Variants in DOP1B observed in about 807,000 individuals in gnomAD.
DOP1B encodes protein DOP1B.
A neutral mutation model predicts 233.5 loss-of-function variants in DOP1B; 174 were observed. That is an observed-to-expected ratio of 0.75 (90% CI 0.66 to 0.85). The LOEUF (loss-of-function observed/expected upper bound fraction) is 0.85. DOP1B is among the 40% of genes least tolerant of loss of function. DOP1B has a pLI of 0.00. For missense variants in DOP1B, 2,652 were observed against 2,846.6 expected (o/e 0.93, Z 1.56); for synonymous variants, 1,190 against 1,185.6 (o/e 1.00, Z -0.08).
At chr21:36,219,748 A>AT (rs2066603986) in intron 10 of DOP1B, among the ~76,000 whole-genome samples, 1 of 151,838 alleles carries the variant, frequency 6.6e-6, no homozygotes, top group African/African-American at 2.4e-5. Context: ...GTATTTATTG[A>AT]TTTTTTGATC....
At chr21:36,287,443 G>T (rs2067497850) in intron 32 of DOP1B, among the ~76,000 whole-genome samples, 1 of 152,088 alleles carries the variant, frequency 6.6e-6, no homozygotes, top group Non-Finnish European at 1.5e-5. Flanking sequence ...AGATGTTCAT[G>T]TCTTTCTACT....
intron 4 of DOP1B, among the ~76,000 whole-genome samples, chr21:36,202,607 C>T (rs1180112615): frequency 6.6e-6 from 1 of 152,208 alleles, no homozygotes; most frequent in Non-Finnish European, 1.5e-5. Flanking sequence ...GGGTGCATTT[C>T]GTGAGCTCTA....
Position 36,237,436 on chromosome 21 carries a change from C to A in DOP1B, c.2775+22C>A, listed in dbSNP as rs759769579. 6 of 1,612,832 alleles carry A rather than the reference C, an allele frequency of 3.7e-6. No homozygotes were observed. In the Admixed American group the frequency reaches 5.0e-5, roughly 13 times the overall value. On this transcript the variant is annotated intron_variant, in intron 16 of 36. Coordinates refer to ENST00000691173, the MANE Select transcript of DOP1B (RefSeq NM_001320714.2). The stretch of plus-strand genomic sequence containing the variant: ...CAAGGTGAGCCTTTCTGGCCGCCAC[C>A]TCCATCCTGCAGCACCCCGGCCCCT...
At chr21:36,272,304 G>C (rs1366242909) in intron 27 of DOP1B, among the ~76,000 whole-genome samples, 1 of 151,684 alleles carries the variant, frequency 6.6e-6, no homozygotes, top group Admixed American at 6.6e-5. Context: ...CCTGGTTAGC[G>C]GGCATGGTGG....
chr21:36,275,984 G>A (rs373048083), intron 27 of DOP1B, among the ~76,000 whole-genome samples: 1 of 152,266 alleles, frequency 6.6e-6, no homozygotes, highest in South Asian at 2.1e-4. Flanking sequence ...TGCCAGAGGG[G>A]TGGTCAGAGG....
intron 3 of DOP1B, 140 bp from the exon 4 acceptor site, chr21:36,200,191 A>G (rs889035981): frequency 9.0e-7 from 1 of 1,114,540 alleles, no homozygotes; most frequent in Non-Finnish European, 1.2e-6. Flanking sequence ...TGACCATCTC[A>G]TGTCATACCC....
At chr21:36,207,698 C>G (rs1187005041) in intron 4 of DOP1B, among the ~76,000 whole-genome samples, 1 of 152,134 alleles carries the variant, frequency 6.6e-6, no homozygotes, top group African/African-American at 2.4e-5. Flanking sequence ...TGTGAACCAA[C>G]ACATTCCACC....
At chr21:36,234,423 C>T (rs1294942273) in intron 15 of DOP1B, among the ~76,000 whole-genome samples, 1 of 152,194 alleles carries the variant, frequency 6.6e-6, no homozygotes, top group Admixed American at 6.5e-5. Flanking sequence ...GCATTAAATA[C>T]ATTCCTTTTA....
intron 2 of DOP1B, among the ~76,000 whole-genome samples, chr21:36,174,640 GACT>G (rs1189084929): frequency 3.9e-5 from 6 of 152,180 alleles, no homozygotes; most frequent in African/African-American, 1.4e-4. Flanking sequence ...AAGTAGCTGA[GACT>G]ACAGGCATGT....
intron 32 of DOP1B, among the ~76,000 whole-genome samples, chr21:36,287,579 C>CTTTTTTTTTTT (rs869203517): frequency 4.1e-5 from 3 of 73,124 alleles, no homozygotes; most frequent in East Asian, 4.7e-4. Context: ...TCCTAACATT[C>CTTTTTTTTTTT]TTTTTTTTTT....
In DOP1B at chr21:36,180,317, C is replaced by G. The variant is rs538097701; in HGVS notation, c.138+15446C>G. Among the ~76,000 whole-genome samples, 101 of 152,278 alleles carry G rather than the reference C, an allele frequency of 6.6e-4. 1 individual carries two copies. The South Asian group carries it at 6.6e-3, about 10-fold the overall frequency. On this transcript the variant is annotated intron_variant, in intron 2 of 36. Coordinates refer to ENST00000691173, the MANE Select transcript of DOP1B (RefSeq NM_001320714.2). ...GCCGCGGTGGCTCATGCCTGTAATC[C>G]CAGGGCTTTGGGAGGCTGAGGCAGG...
At chr21:36,200,582 G>A (rs1021000794) in intron 4 of DOP1B, 81 bp downstream of exon 4, 15 of 1,479,764 alleles carry the variant, frequency 1.0e-5, no homozygotes, top group Non-Finnish European at 1.3e-5. Flanking sequence ...AGTGGCTCAC[G>A]CCTGTAATCC....
intron 2 of DOP1B, among the ~76,000 whole-genome samples, chr21:36,192,388 ATTCT>A (rs1343221316): frequency 1.4e-5 from 2 of 142,334 alleles, no homozygotes; most frequent in Non-Finnish European, 3.1e-5. Flanking sequence ...ACTAATTTTC[ATTCT>A]TTTTTTTTTT....
intron 13 of DOP1B, 78 bp downstream of exon 13, chr21:36,227,955 G>T: frequency 7.3e-7 from 1 of 1,369,794 alleles, no homozygotes. Context: ...AAGTCTTTAG[G>T]GTTGGTTAGG....
intron 16 of DOP1B, 81 bp from the exon 17 acceptor site, chr21:36,238,520 T>G: frequency 8.4e-7 from 1 of 1,190,310 alleles, no homozygotes; most frequent in Non-Finnish European, 1.2e-6. Context: ...TGATCTATTG[T>G]TTAAATGGGG....
chr21:36,245,244 G>A lies in DOP1B; in HGVS notation c.3264G>A (p.Glu1088=). The change falls in exon 19 of 37, where the codon GAG becomes GAA. Residue 1088 remains glutamate (E), a synonymous_variant. Transcript: ENST00000691173. The surrounding 1 kb of genome is among the most constrained non-coding windows in gnomAD (Gnocchi z 5.5). ...YPLRGELSEE[E]LPYYVELPDR... ...TGCGAGGCGAGCTGAGCGAGGAAGAGCTGCCCTACTACGTGGAGCTTCCAG... is the reference window on the plus strand; with the variant it reads ...TGCGAGGCGAGCTGAGCGAGGAAGAACTGCCCTACTACGTGGAGCTTCCAG... 1 of 1,614,142 alleles carries A rather than the reference G, an allele frequency of 6.2e-7. No homozygotes were observed. The highest frequency in any genetic ancestry group is 8.5e-7 in the Non-Finnish European group (1 of 1,180,042).
intron 13 of DOP1B, among the ~76,000 whole-genome samples, chr21:36,228,288 C>A (rs1023745286): frequency 3.9e-5 from 6 of 151,914 alleles, no homozygotes; most frequent in Non-Finnish European, 7.4e-5. Context: ...CATGGCAAAA[C>A]CCCATCTCTA....
intron 27 of DOP1B, among the ~76,000 whole-genome samples, chr21:36,274,144 T>TA (rs2067324020): frequency 6.7e-6 from 1 of 148,840 alleles, no homozygotes; most frequent in East Asian, 2.0e-4. Flanking sequence ...TTAAAGTACT[T>TA]AGAGCAGCCA....
Position 36,211,576 on chromosome 21 carries a change from G to C in DOP1B, c.705G>C (p.Leu235=). The C allele has an allele frequency of 6.2e-7, 1 of 1,614,196 alleles. No individual in the cohort carries two copies. The highest frequency in any genetic ancestry group is 8.5e-7 in the Non-Finnish European group (1 of 1,180,036). ...AGGTGAAGTCTTTGCGTGCCTCCCT[G>C]TTGGACTCAAATGTTCTTGTGCAAA... is the stretch of plus-strand genomic sequence containing the variant. The part of the protein sequence containing the change: ...QLTVKSLRAS[L]LDSNVLVQRN... The change falls in exon 6 of 37, where the codon CTG becomes CTC. Residue 235 remains leucine (L), a synonymous_variant. Coordinates refer to ENST00000691173, the MANE Select transcript of DOP1B (RefSeq NM_001320714.2).
Sources: gnomAD v4.1 joint callset for allele counts (sites outside exome capture counted in the v4.1 genomes callset) on GRCh38, gnomAD v4.1.1 for gene constraint, Gnocchi (gnomAD v3.1) non-coding constraint, MANE v1.5 for transcripts, NCBI Gene and HGNC (gene_info 2026-07-23, HGNC 2026-07-21) for gene names.